ATP8A1: variants seen among roughly 807,000 people sequenced by gnomAD.
ATP8A1 encodes the protein phospholipid-transporting ATPase IA.
Under a neutral mutation model 177.7 loss-of-function variants are expected in ATP8A1, and 90 were observed. That is an observed-to-expected ratio of 0.51 (90% CI 0.43 to 0.60). ATP8A1 has a LOEUF of 0.60. Among genes scored for constraint, ATP8A1 ranks in the 20% least tolerant of loss-of-function variants. The pLI is 0.00. For synonymous variants in ATP8A1, 493 were observed against 485.9 expected, an observed-to-expected ratio of 1.01 and a Z score of -0.19; for missense variants, 1,072 against 1,392.8, an observed-to-expected ratio of 0.77 and a Z score of 3.67.
At chr4:42,448,401 C>CTTT (rs1226963744) in intron 30 of ATP8A1, among the ~76,000 whole-genome samples, 6 of 99,558 alleles carry the variant, frequency 6.0e-5, no homozygotes, top group East Asian at 3.5e-4. Context: ...TCTTTCTTTT[C>CTTT]TTTTTTTTTT....
intron 3 of ATP8A1, 58 bp from the exon 4 acceptor site, chr4:42,624,692 A>C: frequency 1.0e-6 from 1 of 977,906 alleles, no homozygotes; most frequent in Non-Finnish European, 1.4e-6. Flanking sequence ...TTTATAATAG[A>C]TTCAAGAAAA....
chr4:42,504,880 ATTCT>A (rs1249331493), intron 23 of ATP8A1, among the ~76,000 whole-genome samples: 1 of 152,120 alleles, frequency 6.6e-6, no homozygotes, highest in Non-Finnish European at 1.5e-5. Context: ...TTCTGCTACT[ATTCT>A]TTCTTTTATT....
At chr4:42,629,754 T>C (rs1157102499) in intron 1 of ATP8A1, among the ~76,000 whole-genome samples, 1 of 152,246 alleles carries the variant, frequency 6.6e-6, no homozygotes, top group Non-Finnish European at 1.5e-5. Context: ...CTCAGGAATA[T>C]TCTGATGAAG....
At chr4:42,610,428 C>A (rs1258050820) in intron 5 of ATP8A1, among the ~76,000 whole-genome samples, 1 of 152,018 alleles carries the variant, frequency 6.6e-6, no homozygotes, top group Non-Finnish European at 1.5e-5. Context: ...AAGCAGACTA[C>A]CTGGTTTAAA....
At chr4:42,473,564 A>T (rs1299435086) in intron 25 of ATP8A1, among the ~76,000 whole-genome samples, 1 of 152,140 alleles carries the variant, frequency 6.6e-6, no homozygotes, top group African/African-American at 2.4e-5. Context: ...GTCTGACTGG[A>T]GCACACATGC....
rs748628033 is a variant in ATP8A1, at chr4:42,552,544, G to T, written c.1480C>A (p.Arg494=). The change falls in exon 17 of 37, where the codon CGA becomes AGA. Residue 494 remains arginine, a synonymous_variant. Coordinates refer to ENST00000381668, the MANE Select transcript of ATP8A1 (RefSeq NM_006095.2). ...MAVCHTAVPE[R]EGDKIIYQAA... ...TGATAAATAATCTTGTCACCTTCTCGCTCTGGCACTGCTGTGTGACAGACT... is the reference window on the plus strand; with the variant it reads ...TGATAAATAATCTTGTCACCTTCTCTCTCTGGCACTGCTGTGTGACAGACT... The T allele has an allele frequency of 3.1e-6, 5 of 1,612,926 alleles. No homozygotes were observed. In the Admixed American group the frequency reaches 6.7e-5, roughly 22 times the overall value.
At chr4:42,588,459 G>A (rs867718851) in intron 7 of ATP8A1, 130 bp from the exon 8 acceptor site, 2 of 686,054 alleles carry the variant, frequency 2.9e-6, no homozygotes, top group Middle Eastern at 5.1e-4. Context: ...GCTTCTTGAT[G>A]ATTTTCATTC....
At chr4:42,439,569 G>C (rs910593655) in intron 33 of ATP8A1, among the ~76,000 whole-genome samples, 4 of 152,216 alleles carry the variant, frequency 2.6e-5, no homozygotes, top group African/African-American at 9.6e-5. Context: ...GAGTGAATGA[G>C]GAAAGAAATG....
intron 18 of ATP8A1, among the ~76,000 whole-genome samples, chr4:42,550,546 A>G (rs1397627492): frequency 6.6e-6 from 1 of 152,210 alleles, no homozygotes; most frequent in Non-Finnish European, 1.5e-5. Context: ...ACCACTTTAC[A>G]CATCTGCTAG....
intron 20 of ATP8A1, among the ~76,000 whole-genome samples, chr4:42,542,074 A>C (rs1178827771): frequency 7.8e-6 from 1 of 128,978 alleles, no homozygotes; most frequent in African/African-American, 2.9e-5. Context: ...TTACAAATGT[A>C]CCACTCTGGT....
chr4:42,625,557 G>A (rs1737974962), intron 3 of ATP8A1, 57 bp downstream of exon 3: 5 of 1,209,462 alleles, frequency 4.1e-6, no homozygotes, highest in Non-Finnish European at 4.7e-6. Flanking sequence ...GATTGGTCAC[G>A]GGCTTAACAT....
At chr4:42,446,758 G>T in intron 30 of ATP8A1, 114 bp from the exon 31 acceptor site, 1 of 805,534 alleles carries the variant, frequency 1.2e-6, no homozygotes, top group Non-Finnish European at 1.9e-6. Context: ...ACACAATGGA[G>T]CCAGAAATGA....
rs1726509045 is a variant in ATP8A1, at chr4:42,524,756, C to T, written c.1807+7G>A. On this transcript the variant is annotated splice_region_variant and intron_variant, in intron 21 of 36. Coordinates refer to ENST00000381668, the MANE Select transcript of ATP8A1 (RefSeq NM_006095.2). ...TTAATCATGCTTTATTGCCAAATTACACTTACCTTCTGTAGCAAACTGCTC... is the reference window on the plus strand; with the variant it reads ...TTAATCATGCTTTATTGCCAAATTATACTTACCTTCTGTAGCAAACTGCTC... The T allele has an allele frequency of 1.9e-6, 3 of 1,585,960 alleles. No homozygotes were observed. The East Asian group carries it at 6.7e-5, about 36-fold the overall frequency.
At chr4:42,516,032 A>T (rs1332087476) in intron 22 of ATP8A1, among the ~76,000 whole-genome samples, 1 of 152,244 alleles carries the variant, frequency 6.6e-6, no homozygotes, top group East Asian at 1.9e-4. Context: ...AATAGGGGGC[A>T]GGCTTTCATT....
At chr4:42,459,605 T>C in intron 27 of ATP8A1, 1 of 241,694 alleles carries the variant, frequency 4.1e-6, no homozygotes, top group Non-Finnish European at 8.5e-6. Flanking sequence ...AATAATTACT[T>C]TAGAAAAGAA....
At chr4:42,494,950 TAAAAAAC>T (rs1411108618) in intron 24 of ATP8A1, among the ~76,000 whole-genome samples, 1 of 152,064 alleles carries the variant, frequency 6.6e-6, no homozygotes, top group Non-Finnish European at 1.5e-5. Flanking sequence ...TTACTGGGAG[TAAAAAAC>T]AAAAACACCA....
At chr4:42,636,156 A>G (rs369346969) in intron 1 of ATP8A1, among the ~76,000 whole-genome samples, 19,781 of 90,864 alleles carry the variant, frequency 0.22, 2,387 homozygotes, top group African/African-American at 0.41. Flanking sequence ...ACACACACAC[A>G]CGCACACACA....
intron 33 of ATP8A1, among the ~76,000 whole-genome samples, chr4:42,426,193 C>T (rs9994372): frequency 0.25 from 37,365 of 152,118 alleles, 4,733 homozygotes; most frequent in African/African-American, 0.31. Flanking sequence ...TGACCCACAA[C>T]GGCATGATCT....
intron 25 of ATP8A1, among the ~76,000 whole-genome samples, chr4:42,480,503 CA>C: frequency 6.6e-6 from 1 of 152,300 alleles, no homozygotes; most frequent in South Asian, 2.1e-4. Flanking sequence ...ATGGTGTTCA[CA>C]AATTTTTTTC....
Sources: allele counts gnomAD v4.1 joint callset (sites outside exome capture counted in the v4.1 genomes callset), GRCh38; gene constraint gnomAD v4.1.1; transcripts MANE v1.5; gene names NCBI Gene and HGNC (gene_info 2026-07-23, HGNC 2026-07-21).